The following ZNF804A variants were observed in gnomAD, a reference collection of about 807,000 sequenced individuals.
ZNF804A encodes the protein zinc finger protein 804A.
In ZNF804A, 2 loss-of-function variants were observed where a neutral mutation model predicts 16.5. That is an observed-to-expected ratio of 0.12 (90% CI 0.05 to 0.38). The LOEUF (loss-of-function observed/expected upper bound fraction) is 0.38. Ranked by LOEUF, ZNF804A falls within the 10% of genes least tolerant of loss-of-function variation. The pLI is 0.99. For missense variants in ZNF804A, 1,473 were observed against 1,390.7 expected, an observed-to-expected ratio of 1.06 and a Z score of -0.94; for synonymous variants, 534 against 489.6, an observed-to-expected ratio of 1.09 and a Z score of -1.20.
chr2:184,746,692 C>T lies in ZNF804A; in HGVS notation c.112-119677C>T, dbSNP rs185172868. Among the ~76,000 whole-genome samples the T allele has an allele frequency of 2.2e-3, 327 of 151,046 alleles. 1 individual carries two copies. Among genetic ancestry groups the T allele is most frequent in the Middle Eastern group, 6.8e-3 (2 of 294 alleles). On this transcript the variant is annotated intron_variant, in intron 1 of 3. Coordinates refer to ENST00000302277, the MANE Select transcript of ZNF804A (RefSeq NM_194250.2). ...TATCCATTAACCATCCCCACTTTCCCCCTCCCCCATCACCCTTTCCAGACT... is the reference window on the plus strand; with the variant it reads ...TATCCATTAACCATCCCCACTTTCCTCCTCCCCCATCACCCTTTCCAGACT...
chr2:184,930,239 T>C (rs1685674378), intron 2 of ZNF804A, among the ~76,000 whole-genome samples: 1 of 152,182 alleles, frequency 6.6e-6, no homozygotes, highest in Non-Finnish European at 1.5e-5. Flanking sequence ...TGACCTATTA[T>C]ACTGTAATTC....
intron 1 of ZNF804A, among the ~76,000 whole-genome samples, chr2:184,842,712 T>G (rs1163203193): frequency 1.3e-5 from 2 of 152,062 alleles, no homozygotes; most frequent in Non-Finnish European, 2.9e-5. Flanking sequence ...GAAATTAGAT[T>G]TGAGTGAGGC....
intron 2 of ZNF804A, among the ~76,000 whole-genome samples, chr2:184,924,427 T>G (rs1685577129): frequency 6.6e-6 from 1 of 151,838 alleles, no homozygotes; most frequent in South Asian, 2.1e-4. Context: ...TTTACATCTC[T>G]CATTTTATTT....
chr2:184,608,727 A>ATTGCAAGAGAAGGTAGGAGGACAAGC (rs1411075370), intron 1 of ZNF804A, among the ~76,000 whole-genome samples: 2 of 152,188 alleles, frequency 1.3e-5, no homozygotes, highest in Non-Finnish European at 2.9e-5. Flanking sequence ...GAGATGGATG[A>ATTGCAAGAGAAGGTAGGAGGACAAGC]TTGCAAGAGA....
chr2:184,777,936 C>T (rs1694313356), intron 1 of ZNF804A, among the ~76,000 whole-genome samples: 1 of 151,590 alleles, frequency 6.6e-6, no homozygotes, highest in Non-Finnish European at 1.5e-5. Context: ...ATATAATTGA[C>T]TGAACAGCAT....
intron 1 of ZNF804A, among the ~76,000 whole-genome samples, chr2:184,718,856 A>G (rs961797054): frequency 6.6e-6 from 1 of 152,200 alleles, no homozygotes; most frequent in Middle Eastern, 3.4e-3. Context: ...TGGACCTACC[A>G]TTCTGGGGTC....
chr2:184,700,732 C>A (rs1692906448), intron 1 of ZNF804A, among the ~76,000 whole-genome samples: 1 of 151,906 alleles, frequency 6.6e-6, no homozygotes, highest in South Asian at 2.1e-4. Context: ...GAGGGCAGTT[C>A]TCATTTGATA....
chr2:184,929,702 C>A (rs992767895), intron 2 of ZNF804A, among the ~76,000 whole-genome samples: 2 of 152,092 alleles, frequency 1.3e-5, no homozygotes, highest in African/African-American at 2.4e-5. Flanking sequence ...AAAACTCTTT[C>A]TTGCTTTATT....
intron 1 of ZNF804A, among the ~76,000 whole-genome samples, chr2:184,765,520 G>A (rs1197639515): frequency 2.0e-5 from 3 of 151,816 alleles, no homozygotes; most frequent in Non-Finnish European, 2.9e-5. Flanking sequence ...ATCCTGTTTT[G>A]TTCTGATCTA....
chr2:184,851,278 C>T (rs545060802), intron 1 of ZNF804A, among the ~76,000 whole-genome samples: 54 of 151,854 alleles, frequency 3.6e-4, no homozygotes, highest in African/African-American at 1.3e-3. Flanking sequence ...GAAACTAGAT[C>T]TATTGAACTT....
intron 1 of ZNF804A, among the ~76,000 whole-genome samples, chr2:184,740,628 A>G (rs576549632): frequency 3.0e-4 from 45 of 152,288 alleles, no homozygotes; most frequent in Non-Finnish European, 5.1e-4. Context: ...ATTTGTTTTT[A>G]GGGCAAGAGA....
intron 1 of ZNF804A, among the ~76,000 whole-genome samples, chr2:184,772,078 A>G (rs1047383984): frequency 6.6e-6 from 1 of 151,978 alleles, no homozygotes; most frequent in Non-Finnish European, 1.5e-5. Flanking sequence ...TTAATGTTCT[A>G]TTTCTTGATA....
At chr2:184,678,411 G>C (rs1277456239) in intron 1 of ZNF804A, among the ~76,000 whole-genome samples, 1 of 152,030 alleles carries the variant, frequency 6.6e-6, no homozygotes, top group African/African-American at 2.4e-5. Flanking sequence ...TTTATATCAA[G>C]TCTATTTCCT....
chr2:184,747,864 C>T (rs1290877518), intron 1 of ZNF804A, among the ~76,000 whole-genome samples: 2 of 151,180 alleles, frequency 1.3e-5, no homozygotes, highest in Admixed American at 6.6e-5. Flanking sequence ...TCTATATGTG[C>T]TCAATGTTTA....
intron 1 of ZNF804A, among the ~76,000 whole-genome samples, chr2:184,636,156 T>A (rs1691691990): frequency 6.6e-6 from 1 of 152,086 alleles, no homozygotes; most frequent in African/African-American, 2.4e-5. Flanking sequence ...AAGAAAAAAA[T>A]TACTTTGCTG....
chr2:184,898,850 G>A (rs890709583), intron 2 of ZNF804A, among the ~76,000 whole-genome samples: 4 of 151,836 alleles, frequency 2.6e-5, no homozygotes, highest in African/African-American at 9.7e-5. Context: ...TGTGAAAAAT[G>A]TTGATTGTTT....
Position 184,598,745 on chromosome 2 carries a change from C to A in ZNF804A, c.-215C>A. The A allele has an allele frequency of 5.6e-6, 2 of 356,820 alleles. No homozygotes were observed. Among genetic ancestry groups the A allele is most frequent in the Non-Finnish European group, 9.9e-6 (2 of 201,974 alleles). 22.1% of individuals were successfully genotyped at this position (356,820 alleles called of 1,614,324 possible). On this transcript the variant is annotated 5_prime_UTR_variant, in exon 1 of 4. In the 5' UTR this introduces an upstream ATG that the reference lacks. Transcript: ENST00000302277. ...TCTGAGGAGAAACAGGAGCGAGAGA[C>A]TGAGGGGAGAGCGCGGCGAGCATGC...
intron 3 of ZNF804A, among the ~76,000 whole-genome samples, 198 bp downstream of exon 3, chr2:184,933,931 G>T (rs989817309): frequency 1.3e-5 from 2 of 151,886 alleles, no homozygotes; most frequent in African/African-American, 4.8e-5. Flanking sequence ...GCACATTTCA[G>T]TAAAAAGCCA....
chr2:184,613,769 T>C (rs960110178), intron 1 of ZNF804A, among the ~76,000 whole-genome samples: 1 of 152,012 alleles, frequency 6.6e-6, no homozygotes, highest in African/African-American at 2.4e-5. Flanking sequence ...AAACCACTGC[T>C]CAAGGAAATA....
Sources: allele counts gnomAD v4.1 joint callset (sites outside exome capture counted in the v4.1 genomes callset), GRCh38; gene constraint gnomAD v4.1.1; transcripts MANE v1.5; gene names NCBI Gene and HGNC (gene_info 2026-07-23, HGNC 2026-07-21).